Variants in PHF21A observed in about 807,000 individuals in gnomAD.
PHF21A encodes the protein PHD finger protein 21A.
In PHF21A, 11 loss-of-function variants were observed where a neutral mutation model predicts 82.5. That is an observed-to-expected ratio of 0.13 (90% CI 0.08 to 0.22). The LOEUF (loss-of-function observed/expected upper bound fraction) is 0.22. Among genes scored for constraint, PHF21A ranks in the 10% least tolerant of loss-of-function variants. The pLI is 1.00. For synonymous variants in PHF21A, 297 were observed against 302.8 expected (o/e 0.98, Z 0.20); for missense variants, 579 against 837.8 (o/e 0.69, Z 3.81).
At chr11:46,004,938 C>A (rs1432775307) in intron 6 of PHF21A, among the ~76,000 whole-genome samples, 1 of 152,138 alleles carries the variant, frequency 6.6e-6, no homozygotes, top group African/African-American at 2.4e-5. Context: ...AAGCACTACA[C>A]AACAAAGTTT....
chr11:46,095,013 G>A lies in PHF21A; in HGVS notation c.-236-2790C>T, dbSNP rs557515903. On this transcript the variant is annotated intron_variant, in intron 1 of 18. Coordinates refer to ENST00000676320, the MANE Select transcript of PHF21A (RefSeq NM_001352027.3). ...CTAAATTCTATACATATCAGCATAG[G>A]TACACCTTTCTTGGAAGAGGGTCCA... is the stretch of plus-strand genomic sequence containing the variant. Among the ~76,000 whole-genome samples the A allele has an allele frequency of 8.5e-5, 13 of 152,272 alleles. No individual in the cohort carries two copies. The South Asian group carries it at 2.7e-3, about 32-fold the overall frequency.
At chr11:46,054,924 T>C (rs1237849098) in intron 6 of PHF21A, among the ~76,000 whole-genome samples, 1 of 152,164 alleles carries the variant, frequency 6.6e-6, no homozygotes, top group Non-Finnish European at 1.5e-5. Context: ...AAAAAAGTCA[T>C]ACAAAGCAGG....
chr11:46,108,497 G>C (rs2097175652), intron 1 of PHF21A, among the ~76,000 whole-genome samples: 1 of 150,840 alleles, frequency 6.6e-6, no homozygotes, highest in Non-Finnish European at 1.5e-5. Context: ...TTTTTAAATA[G>C]TCACCTGGAA....
intron 1 of PHF21A, among the ~76,000 whole-genome samples, chr11:46,103,102 C>A (rs1028185810): frequency 6.6e-6 from 1 of 152,162 alleles, no homozygotes; most frequent in African/African-American, 2.4e-5. Context: ...GGACTGCACC[C>A]CCGTCACATA....
intron 6 of PHF21A, among the ~76,000 whole-genome samples, chr11:45,981,172 G>C (rs574464078): frequency 6.6e-6 from 1 of 151,996 alleles, no homozygotes; most frequent in African/African-American, 2.4e-5. Flanking sequence ...GATCACTTGA[G>C]GTCAGGAGTT....
intron 6 of PHF21A, among the ~76,000 whole-genome samples, chr11:46,066,249 A>G (rs901326161): frequency 3.3e-5 from 5 of 152,208 alleles, no homozygotes; most frequent in Non-Finnish European, 7.3e-5. Flanking sequence ...ATGTTGTGAC[A>G]GTGATATTCT....
At position 46,074,825 on chromosome 11, in the gene PHF21A, G is replaced by A. The variant is rs1025860685; in HGVS notation, c.153+1929C>T. On this transcript the variant is annotated intron_variant, in intron 6 of 18. Transcript: ENST00000676320. ...GCCAATAAAACTATTCTAAACTAAAGAGTAATATCACATGTTGAAAATAAG... is the reference window on the plus strand; with the variant it reads ...GCCAATAAAACTATTCTAAACTAAAAAGTAATATCACATGTTGAAAATAAG... Among the ~76,000 whole-genome samples, 3 of 152,162 alleles carry A rather than the reference G, an allele frequency of 2.0e-5. No homozygotes were observed. The South Asian group carries it at 6.2e-4, about 32-fold the overall frequency.
chr11:46,001,020 C>T (rs2095108266), intron 6 of PHF21A, among the ~76,000 whole-genome samples: 1 of 152,022 alleles, frequency 6.6e-6, no homozygotes, highest in South Asian at 2.1e-4. Flanking sequence ...ATATTCAAAA[C>T]CTATGTTAAA....
chr11:46,039,301 C>T (rs1171112614), intron 6 of PHF21A, among the ~76,000 whole-genome samples: 2 of 152,302 alleles, frequency 1.3e-5, no homozygotes, highest in South Asian at 4.1e-4. Flanking sequence ...TCATTCCCCA[C>T]TTTCAATCTG....
intron 10 of PHF21A, among the ~76,000 whole-genome samples, chr11:45,962,947 T>C (rs1341943884): frequency 6.6e-6 from 1 of 151,768 alleles, no homozygotes; most frequent in Non-Finnish European, 1.5e-5. Flanking sequence ...TTATTTTAAT[T>C]CTTAAGATTT....
chr11:46,074,461 G>T (rs895096249), intron 6 of PHF21A, among the ~76,000 whole-genome samples: 70 of 150,700 alleles, frequency 4.6e-4, no homozygotes, highest in Non-Finnish European at 6.2e-4. Context: ...CTTTTGGCGG[G>T]AGGGGGGAAG....
At chr11:45,941,787 T>C (rs1182725286) in intron 15 of PHF21A, among the ~76,000 whole-genome samples, 1 of 152,220 alleles carries the variant, frequency 6.6e-6, no homozygotes, top group Non-Finnish European at 1.5e-5. Flanking sequence ...GATGCTTTGC[T>C]AGGCGCTGAG....
chr11:45,949,016 A>G, intron 13 of PHF21A, 70 bp from the exon 14 acceptor site: 2 of 1,202,882 alleles, frequency 1.7e-6, no homozygotes, highest in Non-Finnish European at 2.5e-6. Context: ...CACAAGCTAA[A>G]GACCAAGCAT....
chr11:46,020,075 C>T (rs1288155510), intron 6 of PHF21A, among the ~76,000 whole-genome samples: 1 of 151,874 alleles, frequency 6.6e-6, no homozygotes, highest in East Asian at 1.9e-4. Context: ...GGTTTCTCAC[C>T]ACTCCATTTT....
chr11:46,117,921 C>T (rs915906619), intron 1 of PHF21A: 1 of 152,194 alleles, frequency 6.6e-6, no homozygotes, highest in East Asian at 1.9e-4. Context: ...AATGGACTTA[C>T]TCAAAATCTT....
chr11:45,993,627 C>T (rs2094795170), intron 6 of PHF21A, among the ~76,000 whole-genome samples: 1 of 151,724 alleles, frequency 6.6e-6, no homozygotes, highest in Admixed American at 6.6e-5. Context: ...TGACTGAATG[C>T]AGAGTACACT....
intron 10 of PHF21A, among the ~76,000 whole-genome samples, chr11:45,961,334 T>C (rs2093059406): frequency 6.6e-6 from 1 of 152,160 alleles, no homozygotes; most frequent in South Asian, 2.1e-4. Context: ...GTCCAAATAA[T>C]TTCGTTAGTC....
chr11:46,113,190 G>A (rs2097241732), intron 1 of PHF21A, among the ~76,000 whole-genome samples: 1 of 152,212 alleles, frequency 6.6e-6, no homozygotes. Context: ...AAACTGCAAT[G>A]CATACTGGGA....
chr11:45,953,297 T>C (rs1251463613), intron 11 of PHF21A, among the ~76,000 whole-genome samples: 2 of 152,230 alleles, frequency 1.3e-5, no homozygotes, highest in Non-Finnish European at 2.9e-5. Context: ...AACTTTTCCT[T>C]TGATACAATC....
Sources: gnomAD v4.1 joint callset for allele counts (sites outside exome capture counted in the v4.1 genomes callset) on GRCh38, gnomAD v4.1.1 for gene constraint, MANE v1.5 for transcripts, NCBI Gene and HGNC (gene_info 2026-07-23, HGNC 2026-07-21) for gene names.